The following PDE12 variants were observed in gnomAD, a reference collection of about 807,000 sequenced individuals.
PDE12 encodes the protein 2',5'-phosphodiesterase 12.
Under a neutral mutation model 45.4 loss-of-function variants are expected in PDE12, and 26 were observed. The observed-to-expected ratio is 0.57, with a 90% CI of 0.42 to 0.79. The LOEUF (loss-of-function observed/expected upper bound fraction) is 0.79. Ranked by LOEUF, PDE12 falls within the 30% of genes least tolerant of loss-of-function variation. The pLI, the probability that PDE12 is intolerant of heterozygous loss-of-function variation, is 0.00. For synonymous variants in PDE12, 283 were observed against 323.9 expected, an observed-to-expected ratio of 0.87 and a Z score of 1.36; for missense variants, 668 against 790.0, an observed-to-expected ratio of 0.85 and a Z score of 1.85.
rs761849680 is a variant in PDE12, at chr3:57,559,580, T to C, written c.1406T>C (p.Ile469Thr). Residue 469 changes from isoleucine to threonine, a missense_variant, in exon 3 of 3, where the codon ATT becomes ACT. This residue lies in a region of PDE12 where 580 missense variants were observed against 662.9 expected (regional missense o/e 0.87). Coordinates refer to ENST00000311180, the MANE Select transcript of PDE12 (RefSeq NM_177966.7). Reference sequence around the variant, plus strand: ...TTCATAGGTGGGTATATTCGCCTCATTCAAATGGCAGTAGCCTTGGCTCAC... The same window carrying C: ...TTCATAGGTGGGTATATTCGCCTCACTCAAATGGCAGTAGCCTTGGCTCAC... Reference protein sequence around the residue: ...WHPKGGYIRLIQMAVALAHIR... With the variant: ...WHPKGGYIRLTQMAVALAHIR... 5 of 1,607,286 alleles carry C rather than the reference T, an allele frequency of 3.1e-6. No individual in the cohort carries two copies. In the East Asian group the frequency reaches 1.1e-4, roughly 36 times the overall value.
At chr3:57,634,886 C>G in the PDE12 span, 1 of 804,954 alleles carries the variant, frequency 1.2e-6, no homozygotes, top group Non-Finnish European at 1.8e-6. Context: ...TGAAAGGATT[C>G]TTAACATCTA....
At chr3:57,595,867 C>CT in the PDE12 span, among the ~76,000 whole-genome samples, 1 of 152,072 alleles carries the variant, frequency 6.6e-6, no homozygotes, top group African/African-American at 2.4e-5. Flanking sequence ...AGGAGAATCT[C>CT]TTGAACCCGG....
At chr3:57,640,279 A>C in the PDE12 span, among the ~76,000 whole-genome samples, 268 of 146,346 alleles carry the variant, frequency 1.8e-3, no homozygotes, top group Admixed American at 3.0e-3. Flanking sequence ...AAAAAAAAAA[A>C]ACAAAAAAAA....
At chr3:57,612,990 CT>C in the PDE12 span, among the ~76,000 whole-genome samples, 1 of 151,756 alleles carries the variant, frequency 6.6e-6, no homozygotes, top group East Asian at 1.9e-4. Context: ...AAACCTTTTT[CT>C]TTTTTTGGTG....
the PDE12 span, among the ~76,000 whole-genome samples, chr3:57,642,843 T>G: frequency 1.3e-5 from 2 of 151,850 alleles, no homozygotes; most frequent in Non-Finnish European, 2.9e-5. Context: ...CCATCTCTAC[T>G]AAAAATACAA....
the PDE12 span, among the ~76,000 whole-genome samples, chr3:57,609,693 G>C: frequency 6.6e-6 from 1 of 152,030 alleles, no homozygotes; most frequent in Admixed American, 6.6e-5. Flanking sequence ...GGAAGAAGTC[G>C]AATCCCTGAA....
At chr3:57,645,621 T>A in the PDE12 span, 1 of 1,453,190 alleles carries the variant, frequency 6.9e-7, no homozygotes, top group Non-Finnish European at 9.5e-7. Context: ...ATTTTGGTTA[T>A]AAAGGTAATA....
At chr3:57,650,417 TACATAC>T in the PDE12 span, among the ~76,000 whole-genome samples, 1 of 80,088 alleles carries the variant, frequency 1.2e-5, no homozygotes, top group South Asian at 6.9e-4. Flanking sequence ...TACATGCATT[TACATAC>T]ACACACACAC....
At chr3:57,567,152 A>C (rs550242085), downstream of PDE12, among the ~76,000 whole-genome samples, 1 of 152,110 alleles carries the variant, frequency 6.6e-6, no homozygotes, top group Admixed American at 6.6e-5. Context: ...TCTACTAAAA[A>C]TACAAAAAAA....
chr3:57,633,131 G>T, the PDE12 span: 6 of 733,238 alleles, frequency 8.2e-6, no homozygotes, highest in Non-Finnish European at 9.0e-6. Context: ...TTGCAAAGGG[G>T]TTTATTTTTA....
chr3:57,569,712 G>T (rs1168240054), downstream of PDE12, among the ~76,000 whole-genome samples: 1 of 150,098 alleles, frequency 6.7e-6, no homozygotes, highest in African/African-American at 2.5e-5. Context: ...CATGCCTGTA[G>T]TACCAGCTAC....
the PDE12 span, among the ~76,000 whole-genome samples, chr3:57,642,232 T>G: frequency 6.8e-6 from 1 of 146,978 alleles, no homozygotes; most frequent in Non-Finnish European, 1.5e-5. Flanking sequence ...GAGAATTGCT[T>G]GAAACCAGGA....
the PDE12 span, among the ~76,000 whole-genome samples, chr3:57,591,214 T>C: frequency 6.6e-6 from 1 of 152,128 alleles, no homozygotes; most frequent in Non-Finnish European, 1.5e-5. Context: ...CTCCTAAGTA[T>C]TTATCAGAGA....
chr3:57,559,244 C>T, intron 1 of PDE12, 66 bp from the exon 2 acceptor site: 2 of 1,337,908 alleles, frequency 1.5e-6, no homozygotes, highest in South Asian at 1.2e-5. Flanking sequence ...AACAAACAAA[C>T]AAACAAAAAC....
chr3:57,625,068 TA>T, the PDE12 span, among the ~76,000 whole-genome samples: 1 of 152,110 alleles, frequency 6.6e-6, no homozygotes, highest in East Asian at 1.9e-4. Flanking sequence ...CATGCTCTGC[TA>T]ATTTTTTGAT....
chr3:57,617,375 G>A, the PDE12 span, among the ~76,000 whole-genome samples: 1 of 151,986 alleles, frequency 6.6e-6, no homozygotes, highest in Non-Finnish European at 1.5e-5. Context: ...CTGCACTCCA[G>A]CCTGGGTGAC....
the PDE12 span, among the ~76,000 whole-genome samples, chr3:57,615,404 T>G: frequency 6.6e-6 from 1 of 152,102 alleles, no homozygotes; most frequent in Non-Finnish European, 1.5e-5. Context: ...AAGCTTATAT[T>G]AGAAAAGAAG....
the PDE12 span, among the ~76,000 whole-genome samples, chr3:57,573,593 T>A: frequency 6.6e-6 from 1 of 152,190 alleles, no homozygotes; most frequent in African/African-American, 2.4e-5. Context: ...GATCGACTGA[T>A]TGTTTTGAGG....
the PDE12 span, among the ~76,000 whole-genome samples, chr3:57,580,989 C>T: frequency 1.3e-5 from 2 of 152,090 alleles, no homozygotes; most frequent in Admixed American, 6.6e-5. Flanking sequence ...AGGTATTAAT[C>T]CCTAATTATT....
Sources: allele counts gnomAD v4.1 joint callset (sites outside exome capture counted in the v4.1 genomes callset), GRCh38; gene constraint gnomAD v4.1.1; regional missense constraint gnomAD v4.1.1; transcripts MANE v1.5; gene names NCBI Gene and HGNC (gene_info 2026-07-23, HGNC 2026-07-21).